The following MARCHF6 variants were observed in gnomAD, a reference collection of about 807,000 sequenced individuals.
MARCHF6 encodes E3 ubiquitin-protein ligase MARCHF6.
In MARCHF6, 31 loss-of-function variants were observed where a neutral mutation model predicts 133.7. That is an observed-to-expected ratio of 0.23 (90% CI 0.17 to 0.31). The LOEUF (loss-of-function observed/expected upper bound fraction) is 0.31, where lower values mean the gene tolerates loss of function less well. Ranked by LOEUF, MARCHF6 falls within the 10% of genes least tolerant of loss-of-function variation. The pLI, the probability that MARCHF6 is intolerant of heterozygous loss-of-function variation, is 1.00. For missense variants in MARCHF6, 723 were observed against 1,121.6 expected (o/e 0.64, Z 5.08); for synonymous variants, 395 against 402.5 (o/e 0.98, Z 0.22).
At chr5:10,403,335 T>C in intron 14 of MARCHF6, 72 bp from the exon 15 acceptor site, 4 of 1,456,872 alleles carry the variant, frequency 2.7e-6, no homozygotes, top group Non-Finnish European at 3.7e-6. Flanking sequence ...ATTTATTTCC[T>C]AGAAGATGAA....
intron 2 of MARCHF6, 88 bp downstream of exon 2, chr5:10,377,982 C>T: frequency 1.4e-6 from 1 of 711,958 alleles, no homozygotes; most frequent in Middle Eastern, 3.8e-4. Context: ...TGTACTTTCT[C>T]TGTAATTATT....
chr5:10,393,827 G>C (rs1375532213), intron 7 of MARCHF6, among the ~76,000 whole-genome samples: 1 of 152,056 alleles, frequency 6.6e-6, no homozygotes, highest in Non-Finnish European at 1.5e-5. Flanking sequence ...CTCTCTTTCA[G>C]ATAACCTTAT....
In MARCHF6 at chr5:10,414,481, C is replaced by T. The variant is rs745449500; in HGVS notation, c.1945C>T (p.Leu649Phe). 1 of 1,613,328 alleles carries T rather than the reference C, an allele frequency of 6.2e-7. No individual in the cohort carries two copies. Among genetic ancestry groups the T allele is most frequent in the Non-Finnish European group, 8.5e-7 (1 of 1,179,440 alleles). Residue 649 changes from leucine (L) to phenylalanine (F), a missense_variant, in exon 20 of 26, where the codon CTC (leucine) becomes TTC (phenylalanine). By Grantham distance (22) the Leu-to-Phe change is conservative. Around this residue, in one of 4 missense-constraint regions of MARCHF6, gnomAD observed 492 missense variants for 699.5 expected, o/e 0.70. Coordinates refer to ENST00000274140, the MANE Select transcript of MARCHF6 (RefSeq NM_005885.4). ...GTGTATAACATTACTGATTGCCAGC[C>T]TCATCTGCCTTACTTTACCAGGTAT... ...FMCITLLIAS[L>F]ICLTLPVFAG...
In MARCHF6 at chr5:10,378,696, C is replaced by A; in HGVS notation, c.117-63C>A. Reference sequence around the variant, plus strand: ...ACATTTTTAATAAAAACAATGTTTTCGACAAAACTGTAATGTTTCTTTGCT... The same window carrying A: ...ACATTTTTAATAAAAACAATGTTTTAGACAAAACTGTAATGTTTCTTTGCT... On this transcript the variant is annotated intron_variant, in intron 2 of 25. Transcript: ENST00000274140. The A allele has an allele frequency of 3.9e-6, 4 of 1,027,160 alleles. No individual in the cohort carries two copies. The South Asian group carries it at 4.3e-5, about 11-fold the overall frequency. 63.6% of individuals were successfully genotyped at this position (1,027,160 alleles called of 1,614,324 possible). A position where few individuals can be genotyped will look rare whatever the true frequency, so the allele number is the denominator to read the frequency against.
At chr5:10,399,809 C>G (rs1738417982) in intron 10 of MARCHF6, among the ~76,000 whole-genome samples, 1 of 152,142 alleles carries the variant, frequency 6.6e-6, no homozygotes, top group African/African-American at 2.4e-5. Context: ...ATCTAGAGTA[C>G]TCTTCTCTTT....
chr5:10,419,748 A>T (rs1192510007), intron 22 of MARCHF6, among the ~76,000 whole-genome samples: 1 of 152,258 alleles, frequency 6.6e-6, no homozygotes, highest in African/African-American at 2.4e-5. Context: ...TGAACCCAAC[A>T]GATGAAAGGT....
At chr5:10,429,754 C>A (rs1740275880) in intron 24 of MARCHF6, 139 bp from the exon 25 acceptor site, 1 of 666,198 alleles carries the variant, frequency 1.5e-6, no homozygotes, top group Non-Finnish European at 2.6e-6. Flanking sequence ...ATGACCTACA[C>A]AGATTGTAGA....
At chr5:10,375,807 A>G (rs931186618) in intron 1 of MARCHF6, among the ~76,000 whole-genome samples, 2 of 144,620 alleles carry the variant, frequency 1.4e-5, no homozygotes, top group East Asian at 4.1e-4. Flanking sequence ...ACCAATCGGC[A>G]CTCTGTATCT....
At chr5:10,362,490 A>T (rs1248215687) in intron 1 of MARCHF6, among the ~76,000 whole-genome samples, 2 of 152,226 alleles carry the variant, frequency 1.3e-5, no homozygotes, top group Admixed American at 6.5e-5. Context: ...TGGGTTTTAT[A>T]TGTAAAGATA....
chr5:10,417,786 G>T (rs2126801757), intron 22 of MARCHF6, among the ~76,000 whole-genome samples: 1 of 149,310 alleles, frequency 6.7e-6, no homozygotes, highest in Non-Finnish European at 1.5e-5. Context: ...GTGATTTTAA[G>T]CAGCTGGTTT....
chr5:10,414,843 GC>G (rs1739414077), intron 20 of MARCHF6, among the ~76,000 whole-genome samples: 1 of 152,198 alleles, frequency 6.6e-6, no homozygotes, highest in Non-Finnish European at 1.5e-5. Flanking sequence ...GTTGTGGGAT[GC>G]TATAGAGTTT....
At chr5:10,381,227 C>T (rs1032337141) in intron 3 of MARCHF6, among the ~76,000 whole-genome samples, 1 of 152,186 alleles carries the variant, frequency 6.6e-6, no homozygotes, top group South Asian at 2.1e-4. Flanking sequence ...TGTTGAGCCA[C>T]ATTTCTCAGA....
In MARCHF6 at chr5:10,353,743, T is replaced by C; in HGVS notation, c.-156T>C. On this transcript the variant is annotated 5_prime_UTR_variant, in exon 1 of 26. Coordinates refer to ENST00000274140, the MANE Select transcript of MARCHF6 (RefSeq NM_005885.4). ...GTCGCTCGCTTTCTGTCAGCCTCTC[T>C]CCCTCTCCCTCTCCCCTCTCCTTCC... The C allele has an allele frequency of 2.9e-6, 1 of 343,482 alleles. No homozygotes were observed. The highest frequency in any genetic ancestry group is 2.1e-5 in the South Asian group (1 of 47,012). 21.3% of individuals were successfully genotyped at this position (343,482 alleles called of 1,614,324 possible).
At chr5:10,374,512 G>A (rs561974825) in intron 1 of MARCHF6, among the ~76,000 whole-genome samples, 1 of 152,268 alleles carries the variant, frequency 6.6e-6, no homozygotes, top group African/African-American at 2.4e-5. Context: ...ATCATGGAAT[G>A]GGAGCGTGGT....
At chr5:10,414,576 T>C in intron 20 of MARCHF6, 74 bp downstream of exon 20, 2 of 1,237,586 alleles carry the variant, frequency 1.6e-6, no homozygotes, top group Non-Finnish European at 2.4e-6. Context: ...AGAGTCTTGC[T>C]CTGTTCCCCA....
At chr5:10,375,935 A>G (rs1736751558) in intron 1 of MARCHF6, among the ~76,000 whole-genome samples, 1 of 152,160 alleles carries the variant, frequency 6.6e-6, no homozygotes, top group Non-Finnish European at 1.5e-5. Flanking sequence ...TTTTGTGTCA[A>G]TACTCTGTAT....
intron 1 of MARCHF6, among the ~76,000 whole-genome samples, chr5:10,368,290 C>G (rs1736257629): frequency 6.6e-6 from 1 of 152,140 alleles, no homozygotes; most frequent in African/African-American, 2.4e-5. Context: ...TAAGTTATGT[C>G]GTAGTCACAA....
intron 24 of MARCHF6, among the ~76,000 whole-genome samples, chr5:10,429,420 G>A (rs1190837388): frequency 6.7e-6 from 1 of 149,154 alleles, no homozygotes; most frequent in East Asian, 2.0e-4. Context: ...TTTGAGGCAG[G>A]GTCTCACTCT....
chr5:10,360,146 T>G lies in MARCHF6; in HGVS notation c.19+6229T>G, dbSNP rs868077551. 3.6e-4 allele frequency among the ~76,000 whole-genome samples: 50 copies of G among 139,942 alleles called. No homozygotes were observed. In the East Asian group the frequency reaches 8.9e-3, roughly 25 times the overall value. 91.8% of individuals were successfully genotyped at this position (139,942 alleles called of 152,430 possible). The stretch of plus-strand genomic sequence containing the variant: ...AGTCAAAAGTTGTATGTGTGTGTGT[T>G]TTTTTTTTTTTTTTTTTTTTGAGAC... On this transcript the variant is annotated intron_variant, in intron 1 of 25. Transcript: ENST00000274140.
Sources: gnomAD v4.1 joint callset for allele counts (sites outside exome capture counted in the v4.1 genomes callset) on GRCh38, gnomAD v4.1.1 for gene constraint, gnomAD v4.1.1 regional missense constraint, MANE v1.5 for transcripts, NCBI Gene and HGNC (gene_info 2026-07-23, HGNC 2026-07-21) for gene names.